Variants in PCDHA12 observed in about 807,000 individuals in gnomAD.
The protein encoded by PCDHA12 is protocadherin alpha 12.
A neutral mutation model predicts 60.0 loss-of-function variants in PCDHA12; 44 were observed. That is an observed-to-expected ratio of 0.73 (90% confidence interval 0.58 to 0.94). The LOEUF (loss-of-function observed/expected upper bound fraction) is 0.94. PCDHA12 is among the 40% of genes least tolerant of loss of function. The pLI, the probability that PCDHA12 is intolerant of heterozygous loss-of-function variation, is 0.00. For synonymous variants in PCDHA12, 569 were observed against 553.0 expected, an observed-to-expected ratio of 1.03 and a Z score of -0.40; for missense variants, 1,276 against 1,239.7, an observed-to-expected ratio of 1.03 and a Z score of -0.44.
In PCDHA12 at chr5:140,928,392, G is replaced by A. The variant is rs17844366; in HGVS notation, c.2367+50553G>A. 2.0e-4 allele frequency: 326 copies of A among 1,614,052 alleles called. No homozygotes were observed. The East Asian group carries it at 6.6e-3, about 32-fold the overall frequency. Reference sequence around the variant, plus strand: ...CATCAGCCTCTAGCTTGCTGGCAGTGGAATCATCCAGTGGGGCCATCACTG... The same window carrying A: ...CATCAGCCTCTAGCTTGCTGGCAGTAGAATCATCCAGTGGGGCCATCACTG... On this transcript the variant is annotated intron_variant, in intron 1 of 3. Transcript: ENST00000398631.
At chr5:140,985,317 A>C (rs1457089100) in intron 3 of PCDHA12, among the ~76,000 whole-genome samples, 1 of 152,134 alleles carries the variant, frequency 6.6e-6, no homozygotes, top group Non-Finnish European at 1.5e-5. Flanking sequence ...TGGTGGCCAG[A>C]ATTCAGTAGT....
At chr5:140,902,846 A>G (rs1119032) in intron 1 of PCDHA12, among the ~76,000 whole-genome samples, 22,643 of 152,174 alleles carry the variant, frequency 0.15, 1,744 homozygotes, top group Middle Eastern at 0.2. Flanking sequence ...CTTCACTTAG[A>G]AAAATGGCGT....
chr5:140,928,557 C>G lies in PCDHA12; in HGVS notation c.2368-50392C>G, dbSNP rs556688707. 7 of 1,614,238 alleles carry G rather than the reference C, an allele frequency of 4.3e-6. 1 individual carries two copies. The East Asian group carries it at 1.6e-4, about 36-fold the overall frequency. On this transcript the variant is annotated intron_variant, in intron 1 of 3. Coordinates refer to ENST00000398631, the MANE Select transcript of PCDHA12 (RefSeq NM_018903.4). ...ATAGGAATGACAATTATCCGGTTAT[C>G]TTGTTTCCCTTGCCCAGAAATGGTT...
intron 1 of PCDHA12, among the ~76,000 whole-genome samples, chr5:140,953,146 A>G (rs1554220822): frequency 6.6e-6 from 1 of 152,152 alleles, no homozygotes; most frequent in Non-Finnish European, 1.5e-5. Context: ...TTATATTTCT[A>G]TGAAGGGTGT....
Position 140,876,731 on chromosome 5 carries a change from C to T in PCDHA12, c.1259C>T (p.Ala420Val), listed in dbSNP as rs782483829. Residue 420 changes from alanine to valine, a missense_variant, in exon 1 of 4, where the codon GCC (alanine) becomes GTC (valine). Ala to Val is a moderately conservative substitution (Grantham distance 64). Coordinates refer to ENST00000398631, the MANE Select transcript of PCDHA12 (RefSeq NM_018903.4). ...GCCCTGGACCGCGAGAGCGTGTCGG[C>T]CTATGAGCTGGTGGTGACTGCGCGG... ...DSALDRESVS[A>V]YELVVTARDG... is the part of the protein sequence containing the mutation. 1.7e-5 allele frequency: 27 copies of T among 1,614,124 alleles called. No homozygotes were observed. Among genetic ancestry groups the T allele is most frequent in the Non-Finnish European group, 1.9e-5 (23 of 1,180,058 alleles).
intron 1 of PCDHA12, chr5:140,967,313 C>T: frequency 6.2e-7 from 1 of 1,611,052 alleles, no homozygotes; most frequent in Non-Finnish European, 8.5e-7. Flanking sequence ...CAACTCAGTA[C>T]AGACCTACGA....
chr5:140,916,559 G>C (rs1170876334), intron 1 of PCDHA12, among the ~76,000 whole-genome samples: 2 of 152,224 alleles, frequency 1.3e-5, no homozygotes, highest in African/African-American at 4.8e-5. Flanking sequence ...TATTTGTCCA[G>C]GGTGTGTCTA....
intron 1 of PCDHA12, chr5:140,884,812 G>A: frequency 9.0e-7 from 1 of 1,117,104 alleles, no homozygotes; most frequent in Non-Finnish European, 1.2e-6. Flanking sequence ...ACTCTGCTGT[G>A]GACATTATGT....
chr5:141,007,478 G>A (rs1041976706), intron 3 of PCDHA12, among the ~76,000 whole-genome samples: 5 of 151,620 alleles, frequency 3.3e-5, no homozygotes, highest in Admixed American at 6.6e-5. Context: ...TGAGGCACGA[G>A]AATTACTTGG....
rs782141223 is a variant in PCDHA12, at chr5:140,929,191, AAC to A, written c.2368-49756_2368-49755del. On this transcript the variant is annotated intron_variant, in intron 1 of 3. Transcript: ENST00000398631. ...CTCTCTGGGACTTGGTTCTGATAAT[AAC>A]AGTTTGCTGTTGCGTGGGGAGTACA... is the stretch of plus-strand genomic sequence containing the variant. 3.1e-6 allele frequency: 5 copies of A among 1,614,000 alleles called. No homozygotes were observed. In the African/African-American group the frequency reaches 6.7e-5, roughly 22 times the overall value.
intron 1 of PCDHA12, chr5:140,882,573 G>A (rs2059201802): frequency 2.5e-6 from 4 of 1,614,234 alleles, no homozygotes; most frequent in Non-Finnish European, 3.4e-6. Flanking sequence ...AGCGCGGAGT[G>A]CAGCATCCAC....
Position 140,877,413 on chromosome 5 carries a change from G to T in PCDHA12, c.1941G>T (p.Leu647=), listed in dbSNP as rs540811233. 2.4e-5 allele frequency: 39 copies of T among 1,613,922 alleles called. No homozygotes were observed. The East Asian group carries it at 2.5e-4, about 10-fold the overall frequency. Residue 647 remains leucine, a synonymous_variant, in exon 1 of 4, where the codon CTG becomes CTT. Transcript: ENST00000398631. ...LDEADAPRHR[L]LVLVKDHGEP... Reference sequence around the variant, plus strand: ...AGGCGGACGCTCCGCGCCACCGCCTGCTGGTGCTGGTGAAGGACCACGGTG... The same window carrying T: ...AGGCGGACGCTCCGCGCCACCGCCTTCTGGTGCTGGTGAAGGACCACGGTG...
In PCDHA12 at chr5:140,969,369, C is replaced by A. The variant is rs782020561; in HGVS notation, c.2368-9580C>A. The A allele has an allele frequency of 1.3e-5, 21 of 1,607,718 alleles. 2 individuals carry two copies. In the South Asian group the frequency reaches 2.3e-4, roughly 18 times the overall value. ...TCAGGGGGTCTTCTACAAACTCATG[C>A]ATTTGTTACACATCCCCCAATATCC... is the stretch of plus-strand genomic sequence containing the variant. On this transcript the variant is annotated intron_variant, in intron 1 of 3. Transcript: ENST00000398631.
At chr5:140,935,047 A>G (rs782161261) in intron 1 of PCDHA12, among the ~76,000 whole-genome samples, 11 of 152,140 alleles carry the variant, frequency 7.2e-5, no homozygotes, top group Admixed American at 3.3e-4. Flanking sequence ...GATTTCTGGT[A>G]TTACAAGATG....
At chr5:140,921,538 A>C (rs572073676) in intron 1 of PCDHA12, among the ~76,000 whole-genome samples, 2 of 152,344 alleles carry the variant, frequency 1.3e-5, no homozygotes, top group Admixed American at 6.5e-5. Flanking sequence ...CTGATAGAAC[A>C]TTCTGCAAAA....
chr5:140,936,312 C>A (rs2090900162), intron 1 of PCDHA12, among the ~76,000 whole-genome samples: 1 of 152,166 alleles, frequency 6.6e-6, no homozygotes, highest in Non-Finnish European at 1.5e-5. Context: ...ATAGAACTTT[C>A]TGACATGCTA....
intron 1 of PCDHA12, among the ~76,000 whole-genome samples, chr5:140,947,921 C>A (rs1327858146): frequency 6.6e-6 from 1 of 151,536 alleles, no homozygotes; most frequent in African/African-American, 2.4e-5. Context: ...CTTGCCTTAA[C>A]CCTGATCTTA....
intron 1 of PCDHA12, among the ~76,000 whole-genome samples, chr5:140,949,473 G>A (rs2094384488): frequency 6.6e-6 from 1 of 151,492 alleles, no homozygotes; most frequent in South Asian, 2.1e-4. Flanking sequence ...CCTGTTATTA[G>A]GCACACACAT....
chr5:140,972,910 C>G (rs2096563603), intron 1 of PCDHA12, among the ~76,000 whole-genome samples: 1 of 152,054 alleles, frequency 6.6e-6, no homozygotes, highest in Non-Finnish European at 1.5e-5. Flanking sequence ...GATCCACCCG[C>G]CTTGGCCTCC....
Sources: gnomAD v4.1 joint callset for allele counts (sites outside exome capture counted in the v4.1 genomes callset) on GRCh38, gnomAD v4.1.1 for gene constraint, MANE v1.5 for transcripts, NCBI Gene and HGNC (gene_info 2026-07-23, HGNC 2026-07-21) for gene names.